Variants in LRIT1 observed in about 807,000 individuals in gnomAD.
LRIT1 encodes leucine rich repeat, Ig-like and transmembrane domains 1, also known as leucine-rich repeat, immunoglobulin-like domain and transmembrane domain-containing protein 1.
A neutral mutation model predicts 24.0 loss-of-function variants in LRIT1; 23 were observed. The ratio of observed to expected loss-of-function variants is 0.96; its 90% CI spans 0.69 to 1.36. The LOEUF (loss-of-function observed/expected upper bound fraction) is 1.36, where lower values mean the gene tolerates loss of function less well. Ranked by LOEUF, LRIT1 falls within the 40% of genes most tolerant of loss-of-function variation. The pLI is 0.00. For synonymous variants in LRIT1, 361 were observed against 340.5 expected, an observed-to-expected ratio of 1.06 and a Z score of -0.66; for missense variants, 846 against 806.3, an observed-to-expected ratio of 1.05 and a Z score of -0.60.
In LRIT1 at chr10:84,232,900, T is replaced by C. The variant is rs765588734; in HGVS notation, c.899A>G (p.His300Arg). 26 of 1,609,388 alleles carry C rather than the reference T, an allele frequency of 1.6e-5. No homozygotes were observed. The East Asian group carries it at 5.1e-4, about 32-fold the overall frequency. ...ANGRPLNGTVHQEVSSDGTSW... is the reference protein window; with the variant it reads ...ANGRPLNGTVRQEVSSDGTSW... ...CGTGCCGTCACTGGAGACTTCCTGG[T>C]GCACTAGGAGGAAAACAGGCATGTG... is the stretch of plus-strand genomic sequence containing the variant. The change falls in exon 4 of 4, where the codon CAC (histidine) becomes CGC (arginine). Residue 300 changes from histidine (H) to arginine (R), a missense_variant. His to Arg is a conservative substitution (Grantham distance 29, BLOSUM62 0). Coordinates refer to ENST00000372105, the MANE Select transcript of LRIT1 (RefSeq NM_015613.3).
At position 84,234,295 on chromosome 10, in the gene LRIT1, A is replaced by T; in HGVS notation, c.673T>A (p.Phe225Ile). 6.2e-7 allele frequency: 1 copy of T among 1,610,854 alleles called. No individual in the cohort carries two copies. Among genetic ancestry groups the T allele is most frequent in the Non-Finnish European group, 8.5e-7 (1 of 1,178,230 alleles). The change falls in exon 3 of 4, where the codon TTC (phenylalanine) becomes ATC (isoleucine). Residue 225 changes from phenylalanine (F) to isoleucine (I), a missense_variant. Physicochemically the swap from Phe to Ile is conservative, Grantham distance 21. Transcript: ENST00000372105. The stretch of plus-strand genomic sequence containing the variant: ...GCACATCTCAGTTCAGTCTCAATGA[A>T]GGCCAAGTTTGGGGCCCAGCCATCC... ...LLDGWAPNLAFIETELRCASP... is the reference protein window; with the variant it reads ...LLDGWAPNLAIIETELRCASP...
intron 2 of LRIT1, among the ~76,000 whole-genome samples, chr10:84,234,635 C>T (rs1407406121): frequency 6.6e-6 from 1 of 152,172 alleles, no homozygotes; most frequent in Admixed American, 6.5e-5. Flanking sequence ...GGTAGATATA[C>T]AGCATACTGA....
chr10:84,238,783 C>T (rs1247325520), intron 1 of LRIT1, among the ~76,000 whole-genome samples: 1 of 152,250 alleles, frequency 6.6e-6, no homozygotes, highest in East Asian at 1.9e-4. Context: ...CTTATCAGCT[C>T]TTCTACCCAA....
chr10:84,234,385 G>C lies in LRIT1; in HGVS notation c.590-7C>G, dbSNP rs1216046806. 6.6e-7 allele frequency: 1 copy of C among 1,518,614 alleles called. No individual in the cohort carries two copies. 94.1% of individuals were successfully genotyped at this position (1,518,614 alleles called of 1,614,324 possible). A position where few individuals can be genotyped will look rare whatever the true frequency, so the allele number is the denominator to read the frequency against. ...CAGGGGTTGTCCTGTAGCCCTGCAG[G>C]AGTAAAAAAGAAGACAAGATATTCA... On this transcript the variant is annotated splice_region_variant and splice_polypyrimidine_tract_variant and intron_variant, in intron 2 of 3. Coordinates refer to ENST00000372105, the MANE Select transcript of LRIT1 (RefSeq NM_015613.3).
At chr10:84,240,763 A>G (rs1273427983) in intron 1 of LRIT1, among the ~76,000 whole-genome samples, 1 of 152,044 alleles carries the variant, frequency 6.6e-6, no homozygotes, top group Non-Finnish European at 1.5e-5. Flanking sequence ...GAGCACTCAT[A>G]AAAAGGTATT....
chr10:84,239,866 G>C (rs1842679025), intron 1 of LRIT1, among the ~76,000 whole-genome samples: 1 of 152,196 alleles, frequency 6.6e-6, no homozygotes, highest in Admixed American at 6.5e-5. Context: ...TAGCCACAGG[G>C]GACCTCAGGG....
intron 1 of LRIT1, 138 bp from the exon 2 acceptor site, chr10:84,237,824 A>T: frequency 1.5e-6 from 1 of 673,152 alleles, no homozygotes; most frequent in Non-Finnish European, 2.5e-6. Context: ...CATGACGGGG[A>T]CCTGGAGAGG....
Position 84,232,607 on chromosome 10 carries a change from C to G in LRIT1, c.1192G>C (p.Val398Leu). ...KPAVLATGPS[V>L]PSTKEELTLE... Reference sequence around the variant, plus strand: ...GTCAGCTCCTCCTTTGTGCTGGGCACAGAGGGTCCAGTGGCCAGGACAGCG... The same window carrying G: ...GTCAGCTCCTCCTTTGTGCTGGGCAGAGAGGGTCCAGTGGCCAGGACAGCG... The change falls in exon 4 of 4, where the codon GTG (valine) becomes CTG (leucine). Residue 398 changes from valine (V) to leucine (L), a missense_variant. Physicochemically the swap from Val to Leu is conservative, Grantham distance 32 (BLOSUM62 1). Coordinates refer to ENST00000372105, the MANE Select transcript of LRIT1 (RefSeq NM_015613.3). 1.2e-6 allele frequency: 2 copies of G among 1,613,920 alleles called. No individual in the cohort carries two copies.
rs1401485731 is a variant in LRIT1, at chr10:84,237,297, G to A, written c.512C>T (p.Pro171Leu). The A allele has an allele frequency of 5.2e-6, 8 of 1,550,906 alleles. No individual in the cohort carries two copies. Among genetic ancestry groups the A allele is most frequent in the Non-Finnish European group, 7.0e-6 (8 of 1,146,966 alleles). The part of the protein sequence containing the change: ...DLSSNQLMRL[P>L]QELIVSWAHL... ...AGCCCAGGAGACGATGAGCTCCTGC[G>A]GGAGCCTCATCAGCTGGTTGCTGGA... Residue 171 changes from proline (P) to leucine (L), a missense_variant, in exon 2 of 4, where the codon CCG (proline) becomes CTG (leucine). Pro to Leu is a moderately conservative substitution (Grantham distance 98). Transcript: ENST00000372105.
intron 1 of LRIT1, 123 bp downstream of exon 1, chr10:84,241,195 G>A (rs534581108): frequency 1.4e-6 from 2 of 1,425,404 alleles, no homozygotes; most frequent in South Asian, 2.6e-5. Context: ...AGGATCCCTG[G>A]TCCTCAAGGG....
At chr10:84,233,033 T>G (rs1230790182) in intron 3 of LRIT1, 130 bp from the exon 4 acceptor site, 3 of 1,024,204 alleles carry the variant, frequency 2.9e-6, no homozygotes, top group Non-Finnish European at 4.2e-6. Flanking sequence ...TGGCAGTCAC[T>G]CAGTGTTTCT....
chr10:84,235,798 A>T (rs1355904560), intron 2 of LRIT1, among the ~76,000 whole-genome samples: 2 of 151,912 alleles, frequency 1.3e-5, no homozygotes, highest in African/African-American at 2.4e-5. Flanking sequence ...TTTAGTAGAG[A>T]CAGAGTTTCA....
At chr10:84,234,663 G>A (rs138237269) in intron 2 of LRIT1, among the ~76,000 whole-genome samples, 1 of 152,310 alleles carries the variant, frequency 6.6e-6, no homozygotes. Context: ...GGCAATTACT[G>A]TTGCCATTCT....
Position 84,232,822 on chromosome 10 carries a change from T to C in LRIT1, c.977A>G (p.Tyr326Cys). 1.2e-6 allele frequency: 2 copies of C among 1,613,494 alleles called. No individual in the cohort carries two copies. Among genetic ancestry groups the C allele is most frequent in the Non-Finnish European group, 1.7e-6 (2 of 1,180,010 alleles). Residue 326 changes from tyrosine to cysteine, a missense_variant, in exon 4 of 4, where the codon TAC (tyrosine) becomes TGC (cysteine). Tyr to Cys is a radical substitution (Grantham distance 194). Transcript: ENST00000372105. ...PAVSHLDSGD[Y>C]ICQAKNFLGA... Reference sequence around the variant, plus strand: ...CAGGAAGTTCTTGGCTTGGCAGATGTAGTCTCCGGAGTCAAGGTGGGACAC... The same window carrying C: ...CAGGAAGTTCTTGGCTTGGCAGATGCAGTCTCCGGAGTCAAGGTGGGACAC...
At chr10:84,238,025 G>T (rs1842666719) in intron 1 of LRIT1, among the ~76,000 whole-genome samples, 1 of 152,148 alleles carries the variant, frequency 6.6e-6, no homozygotes, top group Admixed American at 6.5e-5. Flanking sequence ...CCCCATGATC[G>T]CGTTGTGCAC....
Position 84,234,107 on chromosome 10 carries a change from C to T in LRIT1, c.861G>A (p.Trp287Ter). ...ATGVPGPEMS[W>*]RRANGRPLNG... is the part of the protein sequence containing the mutation. Reference sequence around the variant, plus strand: ...TAAGGGGCCTGCCATTGGCCCTCCTCCAGCTCATCTCGGGCCCAGGGACTC... The same window carrying T: ...TAAGGGGCCTGCCATTGGCCCTCCTTCAGCTCATCTCGGGCCCAGGGACTC... Residue 287 changes from tryptophan (W) to a stop codon, truncating the protein, a stop_gained, in exon 3 of 4, where the codon TGG (tryptophan) becomes TGA (stop). Transcript: ENST00000372105. LOFTEE classifies it low-confidence loss of function (END_TRUNC). The T allele has an allele frequency of 6.3e-7, 1 of 1,581,228 alleles. No homozygotes were observed. Among genetic ancestry groups the T allele is most frequent in the Non-Finnish European group, 8.6e-7 (1 of 1,163,542 alleles).
Position 84,232,640 on chromosome 10 carries a change from G to C in LRIT1, c.1159C>G (p.Pro387Ala), listed in dbSNP as rs558942918. Residue 387 changes from proline (P) to alanine (A), a missense_variant, in exon 4 of 4, where the codon CCC becomes GCC. Coordinates refer to ENST00000372105, the MANE Select transcript of LRIT1 (RefSeq NM_015613.3). ...CCAGTGGCCAGGACAGCGGGTTTGGGAATCTGGGGGACATGCCTGGCCACC... is the reference window on the plus strand; with the variant it reads ...CCAGTGGCCAGGACAGCGGGTTTGGCAATCTGGGGGACATGCCTGGCCACC... ...KLVARHVPQIPKPAVLATGPS... is the reference protein window; with the variant it reads ...KLVARHVPQIAKPAVLATGPS... 6.2e-7 allele frequency: 1 copy of C among 1,613,668 alleles called. No homozygotes were observed. The highest frequency in any genetic ancestry group is 1.1e-5 in the South Asian group (1 of 91,078).
At chr10:84,238,170 A>G (rs1842667948) in intron 1 of LRIT1, among the ~76,000 whole-genome samples, 2 of 152,282 alleles carry the variant, frequency 1.3e-5, no homozygotes, top group South Asian at 4.1e-4. Flanking sequence ...CCTGGCCAAC[A>G]TGGTGAAACC....
Position 84,232,360 on chromosome 10 carries a change from T to G in LRIT1, c.1439A>C (p.Lys480Thr), listed in dbSNP as rs769117095. The G allele has an allele frequency of 2.5e-6, 4 of 1,613,788 alleles. No individual in the cohort carries two copies. The highest frequency in any genetic ancestry group is 2.5e-6 in the Non-Finnish European group (3 of 1,179,934). ...SMRRVIVQPG[K>T]TRVTITGLLP... ...CAGCCCAGTGATGGTCACTCTGGTC[T>G]TCCCAGGCTGCACAATCACCCGCCG... Residue 480 changes from lysine to threonine, a missense_variant, in exon 4 of 4, where the codon AAG (lysine) becomes ACG (threonine). By Grantham distance (78) the Lys-to-Thr change is moderately conservative (BLOSUM62 -1). Coordinates refer to ENST00000372105, the MANE Select transcript of LRIT1 (RefSeq NM_015613.3).
Sources: allele counts gnomAD v4.1 joint callset (sites outside exome capture counted in the v4.1 genomes callset), GRCh38; gene constraint gnomAD v4.1.1; transcripts MANE v1.5; gene names NCBI Gene and HGNC (gene_info 2026-07-23, HGNC 2026-07-21).